CHADL: variants seen among roughly 807,000 people sequenced by gnomAD.
CHADL encodes chondroadherin-like protein.
Under a neutral mutation model 52.1 loss-of-function variants are expected in CHADL, and 48 were observed. The ratio of observed to expected loss-of-function variants is 0.92; its 90% CI spans 0.73 to 1.17. The LOEUF is 1.17. CHADL is among the 50% of genes most tolerant of loss of function. The pLI, the probability that CHADL is intolerant of heterozygous loss-of-function variation, is 0.00. For synonymous variants in CHADL, 498 were observed against 511.2 expected, an observed-to-expected ratio of 0.97 and a Z score of 0.35; for missense variants, 977 against 1,035.1, an observed-to-expected ratio of 0.94 and a Z score of 0.77.
chr22:41,237,938 G>A lies in CHADL; in HGVS notation c.1134C>T (p.Ala378=). The part of the protein sequence containing the change: ...LEERAVAGPR[A]PPRGPPRGPG... ...GGCCGCGCGGAGGGCCGCGCGGAGG[G>A]GCGCGGGGCCCGGCCACAGCCCGCT... Residue 378 remains alanine, a synonymous_variant, in exon 3 of 6, where the codon GCC becomes GCT. Transcript: ENST00000216241. 1 of 1,269,972 alleles carries A rather than the reference G, an allele frequency of 7.9e-7. No individual in the cohort carries two copies. The highest frequency in any genetic ancestry group is 9.9e-7 in the Non-Finnish European group (1 of 1,013,598). The allele number at this position is 1,269,972 out of a possible 1,614,324, so 78.7% of individuals were successfully genotyped here.
At position 41,238,099 on chromosome 22, in the gene CHADL, G is replaced by A. The variant is rs1025756460; in HGVS notation, c.973C>T (p.Leu325=). 7.0e-6 allele frequency: 9 copies of A among 1,279,756 alleles called. No homozygotes were observed. In the African/African-American group the frequency reaches 1.4e-4, roughly 20 times the overall value. 79.3% of individuals were successfully genotyped at this position (1,279,756 alleles called of 1,614,324 possible). Reference sequence around the variant, plus strand: ...TCCGAGCGCACGCGCGCCCGCGCCAGCCACTCGAGTAGGGGCCGCGCCTGG... The same window carrying A: ...TCCGAGCGCACGCGCGCCCGCGCCAACCACTCGAGTAGGGGCCGCGCCTGG... The part of the protein sequence containing the change: ...GCQARPLLEW[L]ARARVRSDGA... The change falls in exon 3 of 6, where the codon CTG becomes TTG. Residue 325 remains leucine, a synonymous_variant. Coordinates refer to ENST00000216241, the MANE Select transcript of CHADL (RefSeq NM_138481.2). The surrounding 1 kb of genome is among the most constrained non-coding windows in gnomAD (Gnocchi z 4.9).
Position 41,239,575 on chromosome 22 carries a change from T to C in CHADL, c.54A>G (p.Val18=). 7.8e-6 allele frequency: 12 copies of C among 1,546,822 alleles called. No homozygotes were observed. Among genetic ancestry groups the C allele is most frequent in the Non-Finnish European group, 1.0e-5 (12 of 1,145,126 alleles). The change falls in exon 2 of 6, where the codon GTA becomes GTG. Residue 18 remains valine (V), a synonymous_variant. Transcript: ENST00000216241. ...GCCTAGCCGGGGCCAGCAGCAGAAG[T>C]ACAAGAAGCGGCAGCACCAAGGGGA... ...THVPLVLPLL[V]LLLLAPARQA... is the part of the protein sequence containing the mutation.
At chr22:41,229,948 G>A (rs1460719086) in intron 5 of CHADL, among the ~76,000 whole-genome samples, 1 of 152,076 alleles carries the variant, frequency 6.6e-6, no homozygotes, top group Non-Finnish European at 1.5e-5. Context: ...CAGTGTCGTT[G>A]GCATAGCCTG....
chr22:41,230,650 C>CCTG, intron 5 of CHADL: 1 of 204,144 alleles, frequency 4.9e-6, no homozygotes, highest in Non-Finnish European at 9.8e-6. Flanking sequence ...CTCTGTCTGC[C>CCTG]TGAACGAGCC....
intron 1 of CHADL, 47 bp downstream of exon 1, chr22:41,240,824 CACT>C (rs2032849406): frequency 1.3e-6 from 2 of 1,549,356 alleles, no homozygotes; most frequent in Admixed American, 3.9e-5. Context: ...TACCTGAGGC[CACT>C]GAGCTGCTCT....
intron 1 of CHADL, among the ~76,000 whole-genome samples, chr22:41,240,654 C>T (rs1351816079): frequency 6.6e-6 from 1 of 152,224 alleles, no homozygotes; most frequent in Non-Finnish European, 1.5e-5. Flanking sequence ...GGGACCACTG[C>T]TGGGCTCTCA....
chr22:41,232,196 G>A (rs1303553628), intron 5 of CHADL, among the ~76,000 whole-genome samples: 2 of 151,994 alleles, frequency 1.3e-5, no homozygotes, highest in African/African-American at 4.8e-5. Flanking sequence ...GCCGGGCGTG[G>A]TGGCAGTCAC....
At chr22:41,239,065 G>C (rs1179373393) in intron 2 of CHADL, among the ~76,000 whole-genome samples, 180 bp from the exon 3 acceptor site, 1 of 152,126 alleles carries the variant, frequency 6.6e-6, no homozygotes, top group Non-Finnish European at 1.5e-5. Flanking sequence ...ACCCACTGTG[G>C]CATTTTTCAC....
intron 1 of CHADL, 46 bp downstream of exon 1, chr22:41,240,828 G>A: frequency 6.5e-7 from 1 of 1,549,804 alleles, no homozygotes; most frequent in Non-Finnish European, 8.7e-7. Context: ...TGAGGCCACT[G>A]AGCTGCTCTG....
Position 41,229,776 on chromosome 22 carries a change from C to T in CHADL, c.2263-46G>A, listed in dbSNP as rs1380735300. Reference sequence around the variant, plus strand: ...TCAGGTTTCTTTGGCATTTTCTGGGCACCAAGCAGTCCTGTACCACTGGAC... The same window carrying T: ...TCAGGTTTCTTTGGCATTTTCTGGGTACCAAGCAGTCCTGTACCACTGGAC... On this transcript the variant is annotated intron_variant, in intron 5 of 5. Coordinates refer to ENST00000216241, the MANE Select transcript of CHADL (RefSeq NM_138481.2). The T allele has an allele frequency of 4.6e-6, 7 of 1,534,118 alleles. 1 individual carries two copies. Among genetic ancestry groups the T allele is most frequent in the South Asian group, 3.5e-5 (3 of 86,098 alleles).
rs369435165 is a variant in CHADL at position 41,237,516 on chromosome 22, G to C, written c.1556C>G (p.Ala519Gly). Residue 519 changes from alanine to glycine, a missense_variant, in exon 3 of 6, where the codon GCC becomes GGC. Ala to Gly is a moderately conservative substitution (Grantham distance 60, BLOSUM62 0). Coordinates refer to ENST00000216241, the MANE Select transcript of CHADL (RefSeq NM_138481.2). ...GTGCAGGGAGAAGAGGCTGGGCAGG[G>C]CGCGCAGGGCAGCCCCTGGCACCTG... ...FLQVPGAALR[A>G]LPSLFSLHLQ... 6.4e-7 allele frequency: 1 copy of C among 1,550,508 alleles called. No homozygotes were observed.
At chr22:41,230,442 C>T (rs1039897908) in intron 5 of CHADL, 1 of 589,366 alleles carries the variant, frequency 1.7e-6, no homozygotes, top group African/African-American at 1.9e-5. Flanking sequence ...TTCTGCCCTC[C>T]CCTGTGGAAA....
rs986055199 is a variant in CHADL, at chr22:41,239,483, C to A, written c.146G>T (p.Arg49Leu). 2 of 1,550,756 alleles carry A rather than the reference C, an allele frequency of 1.3e-6. No individual in the cohort carries two copies. Among genetic ancestry groups the A allele is most frequent in the South Asian group, 2.4e-5 (2 of 83,998 alleles). Reference sequence around the variant, plus strand: ...TGGCACCTCAGTGAGGTTCTGGTACCGGCAGGCAACGTGTCGCCTGGAGTT... The same window carrying A: ...TGGCACCTCAGTGAGGTTCTGGTACAGGCAGGCAACGTGTCGCCTGGAGTT... ...CDNSRRHVAC[R>L]YQNLTEVPDA... The change falls in exon 2 of 6, where the codon CGG becomes CTG. Residue 49 changes from arginine (R) to leucine (L), a missense_variant. Coordinates refer to ENST00000216241, the MANE Select transcript of CHADL (RefSeq NM_138481.2).
At chr22:41,231,492 A>T (rs2032586387) in intron 5 of CHADL, among the ~76,000 whole-genome samples, 1 of 152,182 alleles carries the variant, frequency 6.6e-6, no homozygotes, top group African/African-American at 2.4e-5. Context: ...CCAGAGATGG[A>T]GCCTGTGTCC....
chr22:41,230,024 A>G (rs978672832), intron 5 of CHADL: 1 of 759,818 alleles, frequency 1.3e-6, no homozygotes, highest in African/African-American at 1.7e-5. Flanking sequence ...TGGAGGGTGA[A>G]GGTGCATCCT....
At chr22:41,232,782 G>C (rs1460282397) in intron 5 of CHADL, among the ~76,000 whole-genome samples, 1 of 152,142 alleles carries the variant, frequency 6.6e-6, no homozygotes, top group African/African-American at 2.4e-5. Flanking sequence ...ACTCATCAGA[G>C]CTTCCACTCC....
rs1601558864 is a variant in CHADL at position 41,237,740 on chromosome 22, G to A, written c.1332C>T (p.Ala444=). The A allele has an allele frequency of 3.2e-6, 5 of 1,539,898 alleles. No individual in the cohort carries two copies. The highest frequency in any genetic ancestry group is 4.4e-6 in the Non-Finnish European group (5 of 1,142,488). Residue 444 remains alanine (A), a synonymous_variant, in exon 3 of 6, where the codon GCC becomes GCT. Coordinates refer to ENST00000216241, the MANE Select transcript of CHADL (RefSeq NM_138481.2). ...ACACCAGGTGGCCCAGGCCGGGGAA[G>A]GCCGCTCGGGGCACCGAGGGGAAGT... ...RNHFPSVPRA[A]FPGLGHLVSL... is the part of the protein sequence containing the mutation.
rs987058232 is a variant in CHADL, at chr22:41,240,734, A to G, written c.8+140T>C. The G allele has an allele frequency of 2.1e-5, 20 of 957,308 alleles. No individual in the cohort carries two copies. In the African/African-American group the frequency reaches 3.0e-4, roughly 14 times the overall value. 59.3% of individuals were successfully genotyped at this position (957,308 alleles called of 1,614,324 possible). On this transcript the variant is annotated intron_variant, in intron 1 of 5. Transcript: ENST00000216241. The stretch of plus-strand genomic sequence containing the variant: ...CGTGTCTCAGAGCCCACCTTGGGAG[A>G]CCCCCTTCCTGGAGAACCCCAGGAA...
chr22:41,232,264 G>A (rs939146255), intron 5 of CHADL, among the ~76,000 whole-genome samples: 3 of 151,782 alleles, frequency 2.0e-5, no homozygotes, highest in South Asian at 2.1e-4. Context: ...CCTGGGGGGC[G>A]GAGGTGGCAA....
Sources: gnomAD v4.1 joint callset for allele counts (sites outside exome capture counted in the v4.1 genomes callset) on GRCh38, gnomAD v4.1.1 for gene constraint, Gnocchi (gnomAD v3.1) non-coding constraint, MANE v1.5 for transcripts, NCBI Gene and HGNC (gene_info 2026-07-23, HGNC 2026-07-21) for gene names.